TSPAN18: variants seen among roughly 807,000 people sequenced by gnomAD.
TSPAN18 encodes the protein tetraspanin 18.
A neutral mutation model predicts 27.3 loss-of-function variants in TSPAN18; 14 were observed. The ratio of observed to expected loss-of-function variants is 0.51; its 90% CI spans 0.34 to 0.80. TSPAN18 has a LOEUF of 0.80. TSPAN18 is among the 30% of genes least tolerant of loss of function. The pLI is 0.01. For missense variants in TSPAN18, 268 were observed against 323.9 expected, an observed-to-expected ratio of 0.83 and a Z score of 1.32; for synonymous variants, 143 against 136.5, an observed-to-expected ratio of 1.05 and a Z score of -0.33.
chr11:44,738,612 A>T (rs1021772899), intron 1 of TSPAN18, among the ~76,000 whole-genome samples: 2 of 152,140 alleles, frequency 1.3e-5, no homozygotes, highest in African/African-American at 4.8e-5. Context: ...TGGCTTGCGG[A>T]TGGCCACTTT....
intron 2 of TSPAN18, among the ~76,000 whole-genome samples, chr11:44,820,968 T>C (rs1856915710): frequency 6.6e-6 from 1 of 152,184 alleles, no homozygotes; most frequent in African/African-American, 2.4e-5. Context: ...TTGTACAGCC[T>C]GTAGAACAAT....
intron 3 of TSPAN18, among the ~76,000 whole-genome samples, chr11:44,887,463 G>T (rs1858695061): frequency 6.6e-6 from 1 of 152,208 alleles, no homozygotes; most frequent in Admixed American, 6.5e-5. Context: ...AGTGTTCTCA[G>T]CTGTCAACTG....
intron 3 of TSPAN18, among the ~76,000 whole-genome samples, chr11:44,885,327 T>C (rs917416452): frequency 1.3e-5 from 2 of 152,132 alleles, no homozygotes; most frequent in African/African-American, 4.8e-5. Flanking sequence ...CTGGAGAAGA[T>C]AATGATGATT....
chr11:44,802,737 C>G (rs1017139574), intron 2 of TSPAN18, among the ~76,000 whole-genome samples: 1 of 151,888 alleles, frequency 6.6e-6, no homozygotes, highest in Non-Finnish European at 1.5e-5. Context: ...GATGAAAGGT[C>G]CAGTTTGTCC....
chr11:44,807,838 C>T (rs994937792), intron 2 of TSPAN18, among the ~76,000 whole-genome samples: 3 of 152,194 alleles, frequency 2.0e-5, no homozygotes, highest in African/African-American at 7.2e-5. Context: ...CTGTGGAGCA[C>T]TGGGCTCAGA....
chr11:44,803,662 C>T (rs759892042), intron 2 of TSPAN18, among the ~76,000 whole-genome samples: 4 of 151,914 alleles, frequency 2.6e-5, no homozygotes, highest in Non-Finnish European at 5.9e-5. Flanking sequence ...GGGGTGGAGA[C>T]GAGGGGCTGA....
chr11:44,779,184 T>C (rs1287150306), intron 2 of TSPAN18, among the ~76,000 whole-genome samples: 3 of 152,044 alleles, frequency 2.0e-5, no homozygotes, highest in Non-Finnish European at 4.4e-5. Context: ...TAGGTGCGCA[T>C]GTTCCTCCTC....
At chr11:44,746,925 C>T (rs948004964) in intron 1 of TSPAN18, among the ~76,000 whole-genome samples, 8 of 152,314 alleles carry the variant, frequency 5.3e-5, no homozygotes, top group Non-Finnish European at 8.8e-5. Context: ...AGGGAGTAGT[C>T]GCCTGGACCC....
At chr11:44,808,947 C>T (rs1253603750) in intron 2 of TSPAN18, among the ~76,000 whole-genome samples, 1 of 152,156 alleles carries the variant, frequency 6.6e-6, no homozygotes. Flanking sequence ...TCCAGGCTTA[C>T]ACCCCCTCGG....
chr11:44,895,869 G>A (rs1206309180), intron 3 of TSPAN18, among the ~76,000 whole-genome samples: 6 of 152,266 alleles, frequency 3.9e-5, no homozygotes, highest in South Asian at 2.1e-4. Flanking sequence ...CCATCACCCC[G>A]TCCTTGTTTC....
chr11:44,871,134 G>A (rs146317823), intron 3 of TSPAN18, among the ~76,000 whole-genome samples: 1 of 152,250 alleles, frequency 6.6e-6, no homozygotes, highest in Admixed American at 6.5e-5. Flanking sequence ...ACTGTCTAGA[G>A]TATTTACTCT....
At chr11:44,922,926 C>T (rs1426938185) in intron 8 of TSPAN18, among the ~76,000 whole-genome samples, 11 of 152,112 alleles carry the variant, frequency 7.2e-5, no homozygotes, top group South Asian at 2.1e-4. Context: ...CCAGCCAACA[C>T]GGAGAAACCC....
At chr11:44,758,886 G>A in intron 1 of TSPAN18, among the ~76,000 whole-genome samples, 1 of 152,142 alleles carries the variant, frequency 6.6e-6, no homozygotes, top group East Asian at 1.9e-4. Context: ...CATGCTGGGG[G>A]CTCCTCATCT....
At chr11:44,764,826 A>T (rs944374487) in intron 2 of TSPAN18, among the ~76,000 whole-genome samples, 3 of 152,074 alleles carry the variant, frequency 2.0e-5, no homozygotes, top group Admixed American at 2.0e-4. Context: ...GGCTCATGGA[A>T]TCTGTATCAA....
chr11:44,926,606 C>T (rs1860364983), intron 8 of TSPAN18, 68 bp from the exon 9 acceptor site: 3 of 1,397,810 alleles, frequency 2.1e-6, no homozygotes, highest in Non-Finnish European at 2.0e-6. Context: ...CCCTAGTCCA[C>T]ATGCTGGACT....
chr11:44,837,772 C>T (rs924278321), intron 2 of TSPAN18, among the ~76,000 whole-genome samples: 4 of 152,262 alleles, frequency 2.6e-5, no homozygotes, highest in African/African-American at 9.6e-5. Flanking sequence ...AACATTACTA[C>T]TTGCTGAAGG....
rs530876850 is a variant in TSPAN18 at position 44,929,379 on chromosome 11, C to T, written c.*201C>T. 16 of 655,082 alleles carry T rather than the reference C, an allele frequency of 2.4e-5. 1 individual carries two copies. The highest frequency in any genetic ancestry group is 2.4e-4 in the South Asian group (12 of 50,588). 40.6% of individuals were successfully genotyped at this position (655,082 alleles called of 1,614,324 possible). A position where few individuals can be genotyped will look rare whatever the true frequency, so the allele number is the denominator to read the frequency against. ...ACAAAAATATGGACTGATGTATCCT[C>T]GCCTGGACTCAGGGCAGGTGCCGTG... On this transcript the variant is annotated 3_prime_UTR_variant, in exon 10 of 10. Transcript: ENST00000520358.
At chr11:44,889,706 C>T (rs1858779697) in intron 3 of TSPAN18, among the ~76,000 whole-genome samples, 1 of 152,200 alleles carries the variant, frequency 6.6e-6, no homozygotes, top group East Asian at 1.9e-4. Context: ...CTTGGATGTC[C>T]CCCAGATTTG....
chr11:44,879,707 T>C (rs1196355163), intron 3 of TSPAN18, among the ~76,000 whole-genome samples: 1 of 152,186 alleles, frequency 6.6e-6, no homozygotes, highest in Non-Finnish European at 1.5e-5. Context: ...ACTGAGGGCC[T>C]TGTAAGCTGT....
Sources: gnomAD v4.1 joint callset for allele counts (sites outside exome capture counted in the v4.1 genomes callset) on GRCh38, gnomAD v4.1.1 for gene constraint, MANE v1.5 for transcripts, NCBI Gene and HGNC (gene_info 2026-07-23, HGNC 2026-07-21) for gene names.